SPECC1L: variants seen among roughly 807,000 people sequenced by gnomAD.
The protein encoded by SPECC1L is sperm antigen with calponin homology and coiled-coil domains 1 like.
In SPECC1L, 40 loss-of-function variants were observed where a neutral mutation model predicts 116.8. The ratio of observed to expected loss-of-function variants is 0.34; its 90% CI spans 0.27 to 0.45. SPECC1L has a LOEUF of 0.45. Among genes scored for constraint, SPECC1L ranks in the 20% least tolerant of loss-of-function variants. The pLI is 1.00. For missense variants in SPECC1L, 1,110 were observed against 1,373.6 expected (o/e 0.81, Z 3.03); for synonymous variants, 504 against 500.6 (o/e 1.01, Z -0.09).
At chr22:24,400,529 G>A (rs1201202058) in intron 14 of SPECC1L, among the ~76,000 whole-genome samples, 2 of 152,158 alleles carry the variant, frequency 1.3e-5, no homozygotes, top group African/African-American at 2.4e-5. Flanking sequence ...TGCTGGGAAC[G>A]TTCCTGTACA....
rs568341199 is a variant in SPECC1L, at chr22:24,379,635, A to G, written c.3087+10315A>G. ...TAGGATGGTTAATCATACATTAGGA[A>G]AATTCTTTTTGTACACTTGACAGTC... On this transcript the variant is annotated intron_variant, in intron 14 of 16. Coordinates refer to ENST00000314328, the MANE Select transcript of SPECC1L (RefSeq NM_015330.6). 3.7e-4 allele frequency among the ~76,000 whole-genome samples: 56 copies of G among 152,286 alleles called. 3 individuals carry two copies. In the South Asian group the frequency reaches 0.011, roughly 30 times the overall value.
chr22:24,330,242 G>A lies in SPECC1L; in HGVS notation c.2221-14G>A. 1 of 1,613,078 alleles carries A rather than the reference G, an allele frequency of 6.2e-7. No individual in the cohort carries two copies. The highest frequency in any genetic ancestry group is 8.5e-7 in the Non-Finnish European group (1 of 1,179,524). On this transcript the variant is annotated splice_polypyrimidine_tract_variant and intron_variant, in intron 7 of 16. Transcript: ENST00000314328. ...GCTCTCTTTTGGAAATAAAAAGTTA[G>A]TTTTTTAATATAGGAAGAATCTGCG...
Position 24,322,189 on chromosome 22 carries a change from G to A in SPECC1L, c.1209G>A (p.Met403Ile). The A allele has an allele frequency of 6.2e-7, 1 of 1,614,004 alleles. No homozygotes were observed. Among genetic ancestry groups the A allele is most frequent in the Non-Finnish European group, 8.5e-7 (1 of 1,180,022 alleles). Reference protein sequence around the residue: ...VACLTERIHQMEENQHSTSEE... With the variant: ...VACLTERIHQIEENQHSTSEE... The stretch of plus-strand genomic sequence containing the variant: ...GCCTGACTGAACGGATACACCAGAT[G>A]GAAGAGAACCAACACAGTACAAGTG... The change falls in exon 5 of 17, where the codon ATG becomes ATA. Residue 403 changes from methionine to isoleucine, a missense_variant. This residue lies in a region of SPECC1L where 22 missense variants were observed against 60.1 expected (regional missense o/e 0.37). Transcript: ENST00000314328.
intron 5 of SPECC1L, among the ~76,000 whole-genome samples, chr22:24,323,735 A>G (rs748431793): frequency 3.9e-5 from 6 of 152,218 alleles, no homozygotes; most frequent in African/African-American, 7.2e-5. Flanking sequence ...TTTTAAAGTT[A>G]CAGTTTAGGA....
At chr22:24,327,847 G>A in intron 6 of SPECC1L, among the ~76,000 whole-genome samples, 1 of 152,140 alleles carries the variant, frequency 6.6e-6, no homozygotes, top group East Asian at 1.9e-4. Context: ...TCGAGATGTG[G>A]TAATATTGGC....
chr22:24,394,698 T>C (rs562663415), intron 14 of SPECC1L, among the ~76,000 whole-genome samples: 130 of 152,334 alleles, frequency 8.5e-4, no homozygotes, highest in African/African-American at 3.0e-3. Context: ...GCCAAGACCA[T>C]GTGGTCAGCC....
chr22:24,339,432 G>C (rs2041126211), intron 10 of SPECC1L, among the ~76,000 whole-genome samples: 1 of 152,208 alleles, frequency 6.6e-6, no homozygotes, highest in Non-Finnish European at 1.5e-5. Flanking sequence ...TTAGAAACAA[G>C]TTTTAAAAGT....
At chr22:24,290,614 C>A (rs2049139703) in intron 2 of SPECC1L, among the ~76,000 whole-genome samples, 1 of 152,116 alleles carries the variant, frequency 6.6e-6, no homozygotes, top group Non-Finnish European at 1.5e-5. Context: ...GGCATCTTAC[C>A]CCTGCTTCTC....
At chr22:24,316,041 G>C (rs554402417) in intron 4 of SPECC1L, among the ~76,000 whole-genome samples, 21 of 152,122 alleles carry the variant, frequency 1.4e-4, no homozygotes, top group Non-Finnish European at 2.6e-4. Flanking sequence ...TGGGGTTAGG[G>C]CTTCAACATA....
intron 2 of SPECC1L, among the ~76,000 whole-genome samples, chr22:24,286,068 CAG>C (rs2049039191): frequency 6.6e-6 from 1 of 152,224 alleles, no homozygotes; most frequent in African/African-American, 2.4e-5. Flanking sequence ...GCAACATTCT[CAG>C]AGGCATGTAT....
At chr22:24,361,894 AAAG>A (rs1275534865) in intron 11 of SPECC1L, among the ~76,000 whole-genome samples, 2 of 152,082 alleles carry the variant, frequency 1.3e-5, no homozygotes, top group African/African-American at 4.8e-5. Context: ...AAAGAAGAAA[AAAG>A]AAGAGAAAAG....
intron 14 of SPECC1L, among the ~76,000 whole-genome samples, chr22:24,401,635 G>A (rs2042476048): frequency 6.6e-6 from 1 of 152,224 alleles, no homozygotes; most frequent in Non-Finnish European, 1.5e-5. Flanking sequence ...AGGTTCACGA[G>A]TGGTTTCCAA....
chr22:24,347,170 G>A lies in SPECC1L; in HGVS notation c.2737G>A (p.Val913Ile). Residue 913 changes from valine (V) to isoleucine (I), a missense_variant, in exon 11 of 17, where the codon GTT becomes ATT. By Grantham distance (29) the Val-to-Ile change is conservative. This residue lies in a region of SPECC1L where 575 missense variants were observed against 682.4 expected (regional missense o/e 0.84). Coordinates refer to ENST00000314328, the MANE Select transcript of SPECC1L (RefSeq NM_015330.6). ...DKRPNYGEIP[V>I]QEHLLRTSSA... The stretch of plus-strand genomic sequence containing the variant: ...GAGACCAAACTATGGGGAAATCCCT[G>A]TTCAAGGTACGTGTAATATGCCATA... The A allele has an allele frequency of 6.2e-7, 1 of 1,612,766 alleles. No homozygotes were observed.
At chr22:24,413,671 C>T (rs1392092324) in intron 16 of SPECC1L, among the ~76,000 whole-genome samples, 2 of 152,202 alleles carry the variant, frequency 1.3e-5, no homozygotes, top group Non-Finnish European at 2.9e-5. Context: ...TTCCCCCATT[C>T]CTGGATATTT....
intron 1 of SPECC1L, among the ~76,000 whole-genome samples, chr22:24,273,803 G>T (rs2048777763): frequency 6.6e-6 from 1 of 152,178 alleles, no homozygotes; most frequent in Non-Finnish European, 1.5e-5. Flanking sequence ...TTGTTGCCCA[G>T]GCTGGAGTCT....
chr22:24,301,693 A>G (rs1035103518), intron 2 of SPECC1L, among the ~76,000 whole-genome samples: 1 of 152,194 alleles, frequency 6.6e-6, no homozygotes, highest in Non-Finnish European at 1.5e-5. Flanking sequence ...AACATTGTAA[A>G]GTTTAAAAAT....
intron 13 of SPECC1L, among the ~76,000 whole-genome samples, chr22:24,368,650 TTTA>T (rs1224598046): frequency 2.6e-5 from 4 of 152,052 alleles, no homozygotes; most frequent in South Asian, 4.1e-4. Context: ...GTTATTTTAT[TTTA>T]TTATTATTAT....
At chr22:24,381,904 G>A (rs2042069649) in intron 14 of SPECC1L, among the ~76,000 whole-genome samples, 1 of 152,038 alleles carries the variant, frequency 6.6e-6, no homozygotes, top group African/African-American at 2.4e-5. Flanking sequence ...AAAACAAAAA[G>A]CTAATAATTT....
intron 14 of SPECC1L, among the ~76,000 whole-genome samples, chr22:24,370,066 A>T (rs1227218583): frequency 1.3e-5 from 2 of 152,260 alleles, no homozygotes; most frequent in Non-Finnish European, 2.9e-5. Flanking sequence ...TATGTTCCTG[A>T]TCTCTTCACA....
Sources: gnomAD v4.1 joint callset for allele counts (sites outside exome capture counted in the v4.1 genomes callset) on GRCh38, gnomAD v4.1.1 for gene constraint, gnomAD v4.1.1 regional missense constraint, MANE v1.5 for transcripts, NCBI Gene and HGNC (gene_info 2026-07-23, HGNC 2026-07-21) for gene names.